The following UCK2 variants were observed in gnomAD, a reference collection of about 807,000 sequenced individuals.
UCK2 encodes cytidine monophosphokinase 2.
UCK2 carries 6 observed loss-of-function variants against 30.8 expected under a neutral mutation model. The observed-to-expected ratio is 0.19, with a 90% CI of 0.11 to 0.38. UCK2 has a LOEUF of 0.38. Ranked by LOEUF, UCK2 falls within the 10% of genes least tolerant of loss-of-function variation. UCK2 has a pLI of 1.00. For synonymous variants in UCK2, 125 were observed against 133.6 expected, an observed-to-expected ratio of 0.94 and a Z score of 0.45; for missense variants, 210 against 339.8, an observed-to-expected ratio of 0.62 and a Z score of 3.00.
At chr1:165,869,266 G>C (rs573317826) in intron 1 of UCK2, among the ~76,000 whole-genome samples, 7 of 152,276 alleles carry the variant, frequency 4.6e-5, no homozygotes, top group Non-Finnish European at 2.9e-5. Flanking sequence ...ATGTGACACA[G>C]AGATACAAAG....
chr1:165,861,411 G>T (rs552669683), intron 1 of UCK2, among the ~76,000 whole-genome samples: 1 of 151,672 alleles, frequency 6.6e-6, no homozygotes, highest in East Asian at 1.9e-4. Flanking sequence ...GGCGGATCAC[G>T]AGGTCCGGAC....
intron 1 of UCK2, among the ~76,000 whole-genome samples, chr1:165,830,394 G>A (rs1281864802): frequency 6.6e-6 from 1 of 150,892 alleles, no homozygotes; most frequent in African/African-American, 2.4e-5. Context: ...GCATGATCTC[G>A]GCTCACTGCA....
chr1:165,865,721 T>A (rs1655029570), intron 1 of UCK2, among the ~76,000 whole-genome samples: 1 of 152,064 alleles, frequency 6.6e-6, no homozygotes, highest in Non-Finnish European at 1.5e-5. Flanking sequence ...GAAATGAACA[T>A]GCCCCGATCA....
chr1:165,843,090 TTC>T (rs10573572), intron 1 of UCK2, among the ~76,000 whole-genome samples: 62,931 of 151,984 alleles, frequency 0.41, 14,294 homozygotes, highest in Non-Finnish European at 0.51. Context: ...TCCTGTGTTT[TTC>T]TTTCTCTGAC....
intron 1 of UCK2, among the ~76,000 whole-genome samples, chr1:165,861,101 T>G (rs969388140): frequency 6.6e-6 from 1 of 152,136 alleles, no homozygotes; most frequent in Non-Finnish European, 1.5e-5. Flanking sequence ...GCTTCATAGT[T>G]AGTGCCTTTT....
intron 1 of UCK2, among the ~76,000 whole-genome samples, chr1:165,863,456 G>A (rs1034064975): frequency 2.6e-5 from 4 of 152,182 alleles, no homozygotes; most frequent in Non-Finnish European, 4.4e-5. Context: ...TTCATCAGCA[G>A]TATGGGTTAA....
rs765311773 is a variant in UCK2, at chr1:165,896,258, C to A, written c.425C>A (p.Ser142Tyr). 1.9e-6 allele frequency: 3 copies of A among 1,614,196 alleles called. No homozygotes were observed. Among genetic ancestry groups the A allele is most frequent in the Non-Finnish European group, 2.5e-6 (3 of 1,180,022 alleles). ...TTTGAAGGGATCCTGGCCTTCTACTCCCAGGAGGTACGAGACCTGTTCCAG... is the reference window on the plus strand; with the variant it reads ...TTTGAAGGGATCCTGGCCTTCTACTACCAGGAGGTACGAGACCTGTTCCAG... ...VLFEGILAFY[S>Y]QEVRDLFQMK... The change falls in exon 4 of 7, where the codon TCC becomes TAC. Residue 142 changes from serine to tyrosine, a missense_variant. This residue lies in a region of UCK2 where 47 missense variants were observed against 128.7 expected (regional missense o/e 0.37). Transcript: ENST00000367879.
At chr1:165,851,371 T>C (rs1448197959) in intron 1 of UCK2, among the ~76,000 whole-genome samples, 3 of 152,244 alleles carry the variant, frequency 2.0e-5, no homozygotes, top group Non-Finnish European at 4.4e-5. Context: ...CCTCATTTTG[T>C]GCCCATGTTT....
At chr1:165,884,197 G>A (rs2101878106) in intron 1 of UCK2, among the ~76,000 whole-genome samples, 1 of 152,316 alleles carries the variant, frequency 6.6e-6, no homozygotes, top group Admixed American at 6.5e-5. Context: ...GCCTGAGGAG[G>A]CCAAGCGTCT....
chr1:165,828,917 G>C (rs967234453), intron 1 of UCK2, among the ~76,000 whole-genome samples: 2 of 152,160 alleles, frequency 1.3e-5, no homozygotes, highest in African/African-American at 4.8e-5. Context: ...GTTCCTCAAG[G>C]GATCCTGAGA....
chr1:165,859,037 C>T lies in UCK2; in HGVS notation c.99+31105C>T, dbSNP rs950312103. Among the ~76,000 whole-genome samples, 5 of 152,088 alleles carry T rather than the reference C, an allele frequency of 3.3e-5. 1 individual carries two copies. In the South Asian group the frequency reaches 8.3e-4, roughly 25 times the overall value. ...GGATTGCTACAACATGTTGAATAAC[C>T]GTGTGTTTTGAAGAATGAAAAAGAT... On this transcript the variant is annotated intron_variant, in intron 1 of 6. Coordinates refer to ENST00000367879, the MANE Select transcript of UCK2 (RefSeq NM_012474.5).
rs1647726873 is a variant in UCK2, at chr1:165,907,896, C to T, written c.*73C>T. The T allele has an allele frequency of 6.5e-7, 1 of 1,528,844 alleles. No homozygotes were observed. The highest frequency in any genetic ancestry group is 2.1e-5 in the Admixed American group (1 of 48,726). 94.7% of individuals were successfully genotyped at this position (1,528,844 alleles called of 1,614,324 possible). The stretch of plus-strand genomic sequence containing the variant: ...GGTCAGGAGGCACTGCTCATCTGTA[C>T]ATACTGTTTCCTATGACATTACTGT... On this transcript the variant is annotated 3_prime_UTR_variant, in exon 7 of 7. Coordinates refer to ENST00000367879, the MANE Select transcript of UCK2 (RefSeq NM_012474.5).
intron 4 of UCK2, 86 bp from the exon 5 acceptor site, chr1:165,903,096 T>A: frequency 1.0e-6 from 1 of 962,552 alleles, no homozygotes; most frequent in South Asian, 1.6e-5. Flanking sequence ...TTGTGGAGCC[T>A]GTGGGAGCTA....
chr1:165,887,817 G>A (rs1655658526), intron 1 of UCK2, among the ~76,000 whole-genome samples: 4 of 150,890 alleles, frequency 2.7e-5, no homozygotes, highest in Admixed American at 2.6e-4. Flanking sequence ...CCTTGGTTTT[G>A]TAACATTTTC....
chr1:165,847,482 C>T (rs1654481541), intron 1 of UCK2, among the ~76,000 whole-genome samples: 4 of 152,150 alleles, frequency 2.6e-5, no homozygotes, highest in Admixed American at 2.6e-4. Context: ...CTTTTAAATC[C>T]TCTAGCTATT....
rs1383350306 is a variant in UCK2 at position 165,896,317 on chromosome 1, C to A, written c.484C>A (p.Arg162=). 1.9e-6 allele frequency: 3 copies of A among 1,614,110 alleles called. No homozygotes were observed. Among genetic ancestry groups the A allele is most frequent in the South Asian group, 1.1e-5 (1 of 91,076 alleles). ...TTTTGTGGATACAGATGCGGACACCCGGCTCTCACGCAGAGGTGCGTTCTA... is the reference window on the plus strand; with the variant it reads ...TTTTGTGGATACAGATGCGGACACCAGGCTCTCACGCAGAGGTGCGTTCTA... The part of the protein sequence containing the change: ...KLFVDTDADT[R]LSRRVLRDIS... The change falls in exon 4 of 7, where the codon CGG becomes AGG. Residue 162 remains arginine, a synonymous_variant. Coordinates refer to ENST00000367879, the MANE Select transcript of UCK2 (RefSeq NM_012474.5).
chr1:165,870,904 G>A (rs1047490585), intron 1 of UCK2, among the ~76,000 whole-genome samples: 1 of 152,164 alleles, frequency 6.6e-6, no homozygotes, highest in East Asian at 1.9e-4. Flanking sequence ...TGCAACCTCC[G>A]CCGTCCAGGT....
At chr1:165,852,724 A>G (rs1443283898) in intron 1 of UCK2, among the ~76,000 whole-genome samples, 1 of 152,170 alleles carries the variant, frequency 6.6e-6, no homozygotes, top group Non-Finnish European at 1.5e-5. Context: ...CATTTCATCT[A>G]TCCTTCCTTA....
chr1:165,874,172 C>CAG lies in UCK2; in HGVS notation c.100-16032_100-16031insAG. On this transcript the variant is annotated intron_variant, in intron 1 of 6. Transcript: ENST00000367879. ...GACAGGGGTAGATGGGAACTTGATGCTGCCCTCATAAGCACTGATTCTCTG... is the reference window on the plus strand; with the variant it reads ...GACAGGGGTAGATGGGAACTTGATGCAGTGCCCTCATAAGCACTGATTCTCTG... Among the ~76,000 whole-genome samples the CAG allele has an allele frequency of 2.0e-5, 3 of 152,290 alleles. No homozygotes were observed. In the South Asian group the frequency reaches 6.2e-4, roughly 32 times the overall value.
Sources: allele counts gnomAD v4.1 joint callset (sites outside exome capture counted in the v4.1 genomes callset), GRCh38; gene constraint gnomAD v4.1.1; regional missense constraint gnomAD v4.1.1; transcripts MANE v1.5; gene names NCBI Gene and HGNC (gene_info 2026-07-23, HGNC 2026-07-21).